The following AMOTL1 variants were observed in gnomAD, a reference collection of about 807,000 sequenced individuals.
The protein encoded by AMOTL1 is angiomotin-like protein 1.
Under a neutral mutation model 102.9 loss-of-function variants are expected in AMOTL1, and 45 were observed. That is an observed-to-expected ratio of 0.44 (90% CI 0.34 to 0.56). The LOEUF (loss-of-function observed/expected upper bound fraction) is 0.56. Among genes scored for constraint, AMOTL1 ranks in the 20% least tolerant of loss-of-function variants. The pLI, the probability that AMOTL1 is intolerant of heterozygous loss-of-function variation, is 0.01. For synonymous variants in AMOTL1, 481 were observed against 484.7 expected, an observed-to-expected ratio of 0.99 and a Z score of 0.10; for missense variants, 1,114 against 1,225.6, an observed-to-expected ratio of 0.91 and a Z score of 1.36.
intron 1 of AMOTL1, among the ~76,000 whole-genome samples, chr11:94,708,168 C>G (rs1286482264): frequency 6.6e-6 from 1 of 152,200 alleles, no homozygotes; most frequent in Non-Finnish European, 1.5e-5. Flanking sequence ...CCCCCTGCTA[C>G]CAGGCTCACT....
At chr11:94,728,369 T>G (rs185903056) in intron 1 of AMOTL1, among the ~76,000 whole-genome samples, 2 of 152,298 alleles carry the variant, frequency 1.3e-5, no homozygotes, top group Admixed American at 1.3e-4. Flanking sequence ...AAAGGAAAAT[T>G]GGTCTCCATG....
intron 3 of AMOTL1, among the ~76,000 whole-genome samples, chr11:94,758,162 G>A (rs1432502508): frequency 6.6e-6 from 1 of 152,136 alleles, no homozygotes; most frequent in African/African-American, 2.4e-5. Flanking sequence ...GTTTTTTGAG[G>A]CTTTTGACAC....
At position 94,795,118 on chromosome 11, in the gene AMOTL1, G is replaced by A; in HGVS notation, c.157G>A (p.Ala53Thr). 1.2e-6 allele frequency: 2 copies of A among 1,613,906 alleles called. No individual in the cohort carries two copies. The highest frequency in any genetic ancestry group is 1.7e-4 in the Middle Eastern group (1 of 6,060). ...QLYSGRHETS[A>T]LTVEATSSIR... is the part of the protein sequence containing the mutation. ...CTATTCTGGGAGGCATGAAACATCT[G>A]CTTTGACGGTGGAGGCAACCAGTAG... The change falls in exon 2 of 13, where the codon GCT becomes ACT. Residue 53 changes from alanine (A) to threonine (T), a missense_variant. By Grantham distance (58) the Ala-to-Thr change is moderately conservative. Coordinates refer to ENST00000433060, the MANE Select transcript of AMOTL1 (RefSeq NM_130847.3).
At chr11:94,734,640 T>G (rs1173288322) in intron 2 of AMOTL1, among the ~76,000 whole-genome samples, 1 of 152,106 alleles carries the variant, frequency 6.6e-6, no homozygotes, top group African/African-American at 2.4e-5. Context: ...TCTAAATCAG[T>G]CCTGCCCATG....
chr11:94,708,339 G>T (rs1949965209), intron 1 of AMOTL1, among the ~76,000 whole-genome samples: 1 of 152,188 alleles, frequency 6.6e-6, no homozygotes, highest in African/African-American at 2.4e-5. Context: ...AGGCCAGAAT[G>T]CGAGAGGATA....
rs775540268 is a variant in AMOTL1 at position 94,870,763 on chromosome 11, C to A, written c.2839C>A (p.Pro947Thr). The A allele has an allele frequency of 8.1e-6, 13 of 1,601,624 alleles. No homozygotes were observed. In the South Asian group the frequency reaches 1.5e-4, roughly 18 times the overall value. The change falls in exon 13 of 13, where the codon CCT becomes ACT. Residue 947 changes from proline to threonine, a missense_variant. Pro to Thr is a conservative substitution (Grantham distance 38). Coordinates refer to ENST00000433060, the MANE Select transcript of AMOTL1 (RefSeq NM_130847.3). ...CAGCTTGCTGCACAAGCCCGAGTTCCCTGATGGAGAGATGATGGAAGTCCT... is the reference window on the plus strand; with the variant it reads ...CAGCTTGCTGCACAAGCCCGAGTTCACTGATGGAGAGATGATGGAAGTCCT... ...VSSLLHKPEF[P>T]DGEMMEVLI
At chr11:94,716,289 A>G (rs1320266468) in intron 1 of AMOTL1, among the ~76,000 whole-genome samples, 1 of 152,088 alleles carries the variant, frequency 6.6e-6, no homozygotes, top group East Asian at 1.9e-4. Flanking sequence ...CATTTTTATA[A>G]TGATTGCCTT....
chr11:94,864,059 T>C (rs1401479017), intron 9 of AMOTL1, among the ~76,000 whole-genome samples: 1 of 152,324 alleles, frequency 6.6e-6, no homozygotes, highest in Admixed American at 6.5e-5. Context: ...GACTTCAGCT[T>C]GGAGCCTCAC....
intron 6 of AMOTL1, among the ~76,000 whole-genome samples, chr11:94,846,139 T>G (rs1952406287): frequency 6.6e-6 from 1 of 152,180 alleles, no homozygotes; most frequent in Non-Finnish European, 1.5e-5. Context: ...GCCCACCTTG[T>G]AGGCTCACTG....
intron 3 of AMOTL1, among the ~76,000 whole-genome samples, chr11:94,751,888 G>A (rs1011722313): frequency 6.6e-6 from 1 of 152,006 alleles, no homozygotes; most frequent in African/African-American, 2.4e-5. Flanking sequence ...AAATGGAAGA[G>A]TGGCCATTCA....
At chr11:94,729,047 C>T (rs1326498792) in exon 2 of AMOTL1, 1 of 1,289,044 alleles carries the variant, frequency 7.8e-7, no homozygotes, top group African/African-American at 1.5e-5. Context: ...TTTGCCAGCA[C>T]CAGAGCGGGT....
intron 1 of AMOTL1, among the ~76,000 whole-genome samples, chr11:94,777,380 C>CA (rs1371002683): frequency 6.6e-6 from 1 of 152,042 alleles, no homozygotes. Context: ...TGATAGTCAT[C>CA]AAAAAACTGA....
At chr11:94,860,166 G>T (rs182696044) in intron 9 of AMOTL1, among the ~76,000 whole-genome samples, 1 of 152,162 alleles carries the variant, frequency 6.6e-6, no homozygotes, top group Non-Finnish European at 1.5e-5. Context: ...TTATATCATG[G>T]GCCAAACTAG....
Position 94,850,234 on chromosome 11 carries a change from C to T in AMOTL1, c.1769C>T (p.Ala590Val). 6.3e-7 allele frequency: 1 copy of T among 1,595,384 alleles called. No individual in the cohort carries two copies. Reference protein sequence around the residue: ...ILDQALSNAQARVIKLEEELR... With the variant: ...ILDQALSNAQVRVIKLEEELR... ...GACCAGGCTTTGAGCAACGCCCAGG[C>T]CAGGGTCATCAAGCTGGAAGAGGAG... The change falls in exon 7 of 13, where the codon GCC becomes GTC. Residue 590 changes from alanine to valine, a missense_variant. Ala to Val is a moderately conservative substitution (Grantham distance 64). Coordinates refer to ENST00000433060, the MANE Select transcript of AMOTL1 (RefSeq NM_130847.3).
chr11:94,779,274 G>A (rs994672236), intron 1 of AMOTL1, among the ~76,000 whole-genome samples: 15 of 152,238 alleles, frequency 9.9e-5, no homozygotes, highest in Admixed American at 3.3e-4. Flanking sequence ...TTTGGTGGTG[G>A]TTTTTCTGTA....
At chr11:94,735,926 GT>G (rs1387607243) in intron 2 of AMOTL1, among the ~76,000 whole-genome samples, 1 of 152,150 alleles carries the variant, frequency 6.6e-6, no homozygotes, top group Non-Finnish European at 1.5e-5. Context: ...AGAGTTAGGA[GT>G]TGGGTTCCCA....
intron 3 of AMOTL1, among the ~76,000 whole-genome samples, chr11:94,803,461 G>A (rs1270844784): frequency 6.6e-6 from 1 of 152,206 alleles, no homozygotes; most frequent in Non-Finnish European, 1.5e-5. Flanking sequence ...CAGGGAACAT[G>A]TGTTGGCTAG....
At position 94,786,534 on chromosome 11, in the gene AMOTL1, G is replaced by C. The variant is rs368729816; in HGVS notation, c.50-8477G>C. Among the ~76,000 whole-genome samples the C allele has an allele frequency of 2.0e-5, 3 of 151,978 alleles. No homozygotes were observed. In the East Asian group the frequency reaches 5.8e-4, roughly 29 times the overall value. ...GCCTTTCTCTGAAGTGTGAGTTTGT[G>C]CTCAAGCTACAGAATCCCTGTGTGG... On this transcript the variant is annotated intron_variant, in intron 1 of 12. Transcript: ENST00000433060.
chr11:94,852,528 A>G (rs1223279847), intron 7 of AMOTL1, among the ~76,000 whole-genome samples: 7 of 152,262 alleles, frequency 4.6e-5, no homozygotes, highest in Non-Finnish European at 1.0e-4. Flanking sequence ...GGCACTAGCC[A>G]GTTCTCAGAA....
Sources: allele counts gnomAD v4.1 joint callset (sites outside exome capture counted in the v4.1 genomes callset), GRCh38; gene constraint gnomAD v4.1.1; transcripts MANE v1.5; gene names NCBI Gene and HGNC (gene_info 2026-07-23, HGNC 2026-07-21).